Variants in ZSWIM2 observed in about 807,000 individuals in gnomAD.
The protein encoded by ZSWIM2 is E3 ubiquitin-protein ligase ZSWIM2.
ZSWIM2 carries 38 observed loss-of-function variants against 48.4 expected under a neutral mutation model. The observed-to-expected ratio is 0.79, with a 90% CI of 0.61 to 1.03. ZSWIM2 has a LOEUF of 1.03. ZSWIM2 is among the 50% of genes least tolerant of loss of function. The pLI, the probability that ZSWIM2 is intolerant of heterozygous loss-of-function variation, is 0.00. For synonymous variants in ZSWIM2, 240 were observed against 251.3 expected, an observed-to-expected ratio of 0.96 and a Z score of 0.42; for missense variants, 776 against 730.2, an observed-to-expected ratio of 1.06 and a Z score of -0.72.
chr2:186,842,506 C>T lies in ZSWIM2; in HGVS notation c.283+2211G>A, dbSNP rs187581209. On this transcript the variant is annotated intron_variant, in intron 3 of 8. Coordinates refer to ENST00000295131, the MANE Select transcript of ZSWIM2 (RefSeq NM_182521.3). Reference sequence around the variant, plus strand: ...CTGTAGACTGAATGGTTGCTGTCTTCGATAAGTGCAAAGAATAATAATACA... The same window carrying T: ...CTGTAGACTGAATGGTTGCTGTCTTTGATAAGTGCAAAGAATAATAATACA... 4.0e-5 allele frequency among the ~76,000 whole-genome samples: 6 copies of T among 151,264 alleles called. No individual in the cohort carries two copies. In the East Asian group the frequency reaches 1.2e-3, roughly 29 times the overall value.
At chr2:186,840,109 A>T (rs3100024) in intron 3 of ZSWIM2, among the ~76,000 whole-genome samples, 2 of 151,536 alleles carry the variant, frequency 1.3e-5, no homozygotes, top group African/African-American at 2.4e-5. Flanking sequence ...CAGAAATCGC[A>T]GTTCCCTGTC....
Position 186,839,140 on chromosome 2 carries a change from C to T in ZSWIM2, c.313G>A (p.Glu105Lys), listed in dbSNP as rs865919864. The change falls in exon 4 of 9, where the codon GAG becomes AAG. Residue 105 changes from glutamate to lysine, a missense_variant. Physicochemically the swap from Glu to Lys is moderately conservative, Grantham distance 56 (BLOSUM62 1). Transcript: ENST00000295131. ...ATCCCCCGAAGCAAGTCACTTATCT[C>T]TCTTTCTCCAAGACCCAGTTGTAAA... Reference protein sequence around the residue: ...SALQLGLGEREISDLLRGIHR... With the variant: ...SALQLGLGERKISDLLRGIHR... 2.5e-6 allele frequency: 4 copies of T among 1,611,350 alleles called. No homozygotes were observed. The East Asian group carries it at 6.7e-5, about 27-fold the overall frequency.
chr2:186,833,342 A>T, intron 6 of ZSWIM2, 110 bp from the exon 7 acceptor site: 1 of 514,438 alleles, frequency 1.9e-6, no homozygotes, highest in Non-Finnish European at 3.4e-6. Flanking sequence ...ACAATATTTT[A>T]AGCATATATA....
In ZSWIM2 at chr2:186,847,570, T is replaced by C. The variant is rs142825021; in HGVS notation, c.242+149A>G. The C allele has an allele frequency of 8.0e-4, 349 of 434,408 alleles. 3 individuals are homozygous for C. The East Asian group carries it at 0.012, about 15-fold the overall frequency. The allele number at this position is 434,408 out of a possible 1,614,324, so 26.9% of individuals were successfully genotyped here. ...AGAATAAAATGAAATACTGAAAAAT[T>C]TATTGGTAAGCTATGACCATTTTAA... On this transcript the variant is annotated intron_variant, in intron 2 of 8. Transcript: ENST00000295131.
intron 3 of ZSWIM2, among the ~76,000 whole-genome samples, chr2:186,844,425 C>T (rs1442601682): frequency 4.0e-5 from 6 of 151,516 alleles, no homozygotes; most frequent in African/African-American, 1.4e-4. Flanking sequence ...ACCACTGTAA[C>T]CTTTTCTTAG....
chr2:186,844,871 T>C (rs1691968172), intron 2 of ZSWIM2, 114 bp from the exon 3 acceptor site: 1 of 915,608 alleles, frequency 1.1e-6, no homozygotes, highest in Non-Finnish European at 1.6e-6. Flanking sequence ...TTATGGAAAG[T>C]GTTATGAATA....
intron 5 of ZSWIM2, among the ~76,000 whole-genome samples, chr2:186,836,853 A>G (rs1029672889): frequency 6.6e-6 from 1 of 152,054 alleles, no homozygotes; most frequent in Non-Finnish European, 1.5e-5. Context: ...TGCCATTTGG[A>G]GTAGGGGGGA....
Position 186,828,610 on chromosome 2 carries a change from T to TA in ZSWIM2, c.1275dup (p.Ile426TyrfsTer12), listed in dbSNP as rs756437352. 1.2e-6 allele frequency: 2 copies of TA among 1,612,908 alleles called. No homozygotes were observed. The highest frequency in any genetic ancestry group is 2.2e-5 in the East Asian group (1 of 44,792). On this transcript the variant is annotated frameshift_variant, in exon 9 of 9. Transcript: ENST00000295131. LOFTEE classifies it low-confidence loss of function (END_TRUNC). ...TTTAAGACTAATCCAGTACCAGGAATAAAAAGATCTGGTTCTTTCTGCTTT... is the reference window on the plus strand; with the variant it reads ...TTTAAGACTAATCCAGTACCAGGAATAAAAAAGATCTGGTTCTTTCTGCTTT...
At chr2:186,832,755 TA>T (rs1241741328) in intron 7 of ZSWIM2, among the ~76,000 whole-genome samples, 1 of 152,166 alleles carries the variant, frequency 6.6e-6, no homozygotes, top group African/African-American at 2.4e-5. Context: ...CTGGTCAAAT[TA>T]AAAATAATAG....
At chr2:186,829,442 T>C (rs61558894) in intron 8 of ZSWIM2, among the ~76,000 whole-genome samples, 1 of 152,172 alleles carries the variant, frequency 6.6e-6, no homozygotes, top group Non-Finnish European at 1.5e-5. Context: ...ACCTTTTTTC[T>C]TTTTACAGAT....
chr2:186,845,612 C>A (rs1691983307), intron 2 of ZSWIM2, among the ~76,000 whole-genome samples: 1 of 151,272 alleles, frequency 6.6e-6, no homozygotes, highest in Non-Finnish European at 1.5e-5. Flanking sequence ...AAGTCATAAT[C>A]TTTTCTTAAT....
At chr2:186,836,453 C>G (rs535965893) in intron 5 of ZSWIM2, among the ~76,000 whole-genome samples, 1 of 152,136 alleles carries the variant, frequency 6.6e-6, no homozygotes, top group South Asian at 2.1e-4. Context: ...GTTACACATA[C>G]AGAAAACAAA....
At position 186,837,356 on chromosome 2, in the gene ZSWIM2, C is replaced by T. The variant is rs1213953597; in HGVS notation, c.693G>A (p.Gly231=). ...ACTGTTTGCAGTTATTACAGGGAAT[C>T]CCAAGGTGTTTGTCCAGTCTCTCTT... ...AEKERLDKHL[G]IPCNNCKQFP... The change falls in exon 5 of 9, where the codon GGG becomes GGA. Residue 231 remains glycine (G), a synonymous_variant. Transcript: ENST00000295131. The T allele has an allele frequency of 1.9e-6, 3 of 1,612,910 alleles. No individual in the cohort carries two copies. The highest frequency in any genetic ancestry group is 2.5e-6 in the Non-Finnish European group (3 of 1,179,268).
intron 2 of ZSWIM2, among the ~76,000 whole-genome samples, chr2:186,846,218 T>C (rs1044448644): frequency 6.6e-6 from 1 of 151,914 alleles, no homozygotes; most frequent in African/African-American, 2.4e-5. Flanking sequence ...TTAAGAAATA[T>C]TTGCAAACTA....
chr2:186,827,979 C>CT lies in ZSWIM2; in HGVS notation c.*4dup, dbSNP rs764027040. 14 of 1,538,170 alleles carry CT rather than the reference C, an allele frequency of 9.1e-6. No individual in the cohort carries two copies. The African/African-American group carries it at 1.9e-4, about 21-fold the overall frequency. On this transcript the variant is annotated 3_prime_UTR_variant, in exon 9 of 9. Transcript: ENST00000295131. Reference sequence around the variant, plus strand: ...CATTCAAATATTTTCAGATAGTAAACTTTTTCACAATTGAACTCCTTCTAT... The same window carrying CT: ...CATTCAAATATTTTCAGATAGTAAACTTTTTTCACAATTGAACTCCTTCTAT...
intron 3 of ZSWIM2, among the ~76,000 whole-genome samples, chr2:186,840,041 A>C (rs1691876134): frequency 6.3e-4 from 1 of 1,598 alleles, no homozygotes; most frequent in South Asian, 0.25. Context: ...GTTTTTCTGG[A>C]AAGACCCCCC....
chr2:186,830,251 A>T (rs1691674380), intron 7 of ZSWIM2, among the ~76,000 whole-genome samples: 1 of 152,076 alleles, frequency 6.6e-6, no homozygotes, highest in South Asian at 2.1e-4. Context: ...GCATGGTGGC[A>T]GGTGCCTGTA....
At chr2:186,837,150 A>C (rs1691807413) in intron 5 of ZSWIM2, among the ~76,000 whole-genome samples, 156 bp downstream of exon 5, 1 of 152,096 alleles carries the variant, frequency 6.6e-6, no homozygotes, top group Non-Finnish European at 1.5e-5. Flanking sequence ...CTGAGATAGA[A>C]GTCAGTCTGT....
Position 186,839,093 on chromosome 2 carries a change from T to C in ZSWIM2, c.360A>G (p.Gln120=), listed in dbSNP as rs369591549. 2.7e-5 allele frequency: 44 copies of C among 1,611,948 alleles called. No homozygotes were observed. Among genetic ancestry groups the C allele is most frequent in the Non-Finnish European group, 3.6e-5 (42 of 1,178,536 alleles). The change falls in exon 4 of 9, where the codon CAA becomes CAG. Residue 120 remains glutamine, a synonymous_variant. Transcript: ENST00000295131. ...GTTCATTTTCGTCATTTGTTCCTGG[T>C]TGGGGAGTTTGAACTCGATGTATCC... The part of the protein sequence containing the change: ...LRGIHRVQTP[Q]PGTNDENEHV...
Sources: gnomAD v4.1 joint callset for allele counts (sites outside exome capture counted in the v4.1 genomes callset) on GRCh38, gnomAD v4.1.1 for gene constraint, MANE v1.5 for transcripts, NCBI Gene and HGNC (gene_info 2026-07-23, HGNC 2026-07-21) for gene names.